Variants in MTUS2 observed in about 807,000 individuals in gnomAD.
MTUS2 encodes the protein microtubule-associated tumor suppressor candidate 2.
Under a neutral mutation model 114.1 loss-of-function variants are expected in MTUS2, and 40 were observed. That is an observed-to-expected ratio of 0.35 (90% confidence interval 0.27 to 0.46). The LOEUF is 0.46. MTUS2 is among the 20% of genes least tolerant of loss of function. The pLI is 1.00. For synonymous variants in MTUS2, 688 were observed against 672.0 expected (o/e 1.02, Z -0.37); for missense variants, 1,679 against 1,705.4 (o/e 0.98, Z 0.27).
intron 2 of MTUS2, among the ~76,000 whole-genome samples, chr13:28,939,185 A>G (rs892043774): frequency 6.6e-6 from 1 of 152,102 alleles, no homozygotes; most frequent in Non-Finnish European, 1.5e-5. Flanking sequence ...TTTGGGCCGG[A>G]AATTTGGGTT....
chr13:29,406,602 T>G (rs1264932543), intron 8 of MTUS2, among the ~76,000 whole-genome samples: 2 of 152,216 alleles, frequency 1.3e-5, no homozygotes, highest in East Asian at 3.8e-4. Flanking sequence ...CCATCACCTC[T>G]GCTATATACT....
At chr13:29,204,925 T>TG (rs937562135) in intron 5 of MTUS2, among the ~76,000 whole-genome samples, 4 of 152,068 alleles carry the variant, frequency 2.6e-5, no homozygotes, top group Non-Finnish European at 5.9e-5. Flanking sequence ...GCAGCTGCAG[T>TG]GGGGGCACTA....
chr13:29,294,533 A>G (rs1898856713), intron 6 of MTUS2, among the ~76,000 whole-genome samples: 1 of 152,176 alleles, frequency 6.6e-6, no homozygotes, highest in African/African-American at 2.4e-5. Context: ...TGATTTCCCT[A>G]GAAGGGCTCA....
intron 5 of MTUS2, among the ~76,000 whole-genome samples, chr13:29,125,022 T>G (rs898451304): frequency 6.6e-6 from 1 of 152,236 alleles, no homozygotes; most frequent in African/African-American, 2.4e-5. Flanking sequence ...TTGTAATTGT[T>G]GCACAACAAT....
chr13:29,257,741 T>C (rs76042731), intron 5 of MTUS2, among the ~76,000 whole-genome samples: 2 of 152,248 alleles, frequency 1.3e-5, no homozygotes, highest in Non-Finnish European at 2.9e-5. Flanking sequence ...CTGGATATTT[T>C]AGGTTATTTC....
chr13:29,022,976 A>G (rs755040969), intron 2 of MTUS2, among the ~76,000 whole-genome samples: 1 of 152,204 alleles, frequency 6.6e-6, no homozygotes, highest in Non-Finnish European at 1.5e-5. Context: ...ATTTATTTTC[A>G]GTGTCTAGCA....
intron 9 of MTUS2, among the ~76,000 whole-genome samples, chr13:29,452,351 G>T (rs1439510182): frequency 2.0e-5 from 3 of 151,958 alleles, no homozygotes; most frequent in African/African-American, 7.2e-5. Context: ...TGTTTGTTTT[G>T]TAACCCTTTA....
At chr13:29,040,154 G>T (rs1278510478) in intron 4 of MTUS2, among the ~76,000 whole-genome samples, 1 of 152,154 alleles carries the variant, frequency 6.6e-6, no homozygotes, top group Non-Finnish European at 1.5e-5. Context: ...AAAGTCCATT[G>T]TATCATTCTT....
intron 5 of MTUS2, among the ~76,000 whole-genome samples, chr13:29,183,318 C>G (rs917954547): frequency 2.0e-5 from 3 of 151,752 alleles, no homozygotes; most frequent in African/African-American, 7.3e-5. Flanking sequence ...ATCTGAACAA[C>G]TGGAAGGATG....
chr13:29,173,478 A>C (rs1893645031), intron 5 of MTUS2, among the ~76,000 whole-genome samples: 1 of 152,160 alleles, frequency 6.6e-6, no homozygotes, highest in African/African-American at 2.4e-5. Context: ...CAATTTATGC[A>C]TTTCCTTATA....
chr13:28,962,951 C>G (rs918780534), intron 2 of MTUS2, among the ~76,000 whole-genome samples: 2 of 152,168 alleles, frequency 1.3e-5, no homozygotes, highest in East Asian at 1.9e-4. Flanking sequence ...TCAGTATCCC[C>G]CCTTTCTACT....
intron 8 of MTUS2, among the ~76,000 whole-genome samples, chr13:29,396,495 G>A (rs1415962930): frequency 6.6e-6 from 1 of 152,210 alleles, no homozygotes; most frequent in Non-Finnish European, 1.5e-5. Context: ...AATTAAGATT[G>A]TGACTATCAC....
intron 6 of MTUS2, among the ~76,000 whole-genome samples, chr13:29,294,782 G>C (rs1315783968): frequency 2.0e-5 from 3 of 152,194 alleles, no homozygotes; most frequent in African/African-American, 7.2e-5. Flanking sequence ...GATTGTCCAG[G>C]GTTTTTGTTA....
intron 5 of MTUS2, among the ~76,000 whole-genome samples, chr13:29,228,031 T>TTA (rs2139348414): frequency 2.0e-5 from 1 of 48,876 alleles, no homozygotes; most frequent in East Asian, 7.4e-4. Context: ...AGTATCTATT[T>TTA]TATATGTATG....
At chr13:28,898,207 CAG>C (rs1879406027) in intron 2 of MTUS2, among the ~76,000 whole-genome samples, 1 of 152,116 alleles carries the variant, frequency 6.6e-6, no homozygotes, top group Non-Finnish European at 1.5e-5. Flanking sequence ...TAGTCCATGA[CAG>C]AAGAGCTTTA....
chr13:29,459,014 C>T (rs1879303128), intron 9 of MTUS2, among the ~76,000 whole-genome samples: 2 of 152,188 alleles, frequency 1.3e-5, no homozygotes, highest in African/African-American at 4.8e-5. Context: ...CATATTTCAG[C>T]CTAAGGGAAA....
chr13:29,180,827 C>CTCA (rs1893970499), intron 5 of MTUS2, among the ~76,000 whole-genome samples: 1 of 152,106 alleles, frequency 6.6e-6, no homozygotes, highest in South Asian at 2.1e-4. Context: ...AGCCTTTGGC[C>CTCA]TCATCAGCAC....
intron 8 of MTUS2, among the ~76,000 whole-genome samples, chr13:29,375,954 A>G (rs1021662730): frequency 1.3e-5 from 2 of 151,750 alleles, no homozygotes; most frequent in Non-Finnish European, 2.9e-5. Flanking sequence ...TAATCCATTC[A>G]TGTAACCAGA....
chr13:29,152,385 T>C (rs563882988), intron 5 of MTUS2, among the ~76,000 whole-genome samples: 1 of 152,314 alleles, frequency 6.6e-6, no homozygotes, highest in South Asian at 2.1e-4. Flanking sequence ...TTTTAGTATC[T>C]ACTGCTGAAT....
Sources: gnomAD v4.1 joint callset for allele counts (sites outside exome capture counted in the v4.1 genomes callset) on GRCh38, gnomAD v4.1.1 for gene constraint, MANE v1.5 for transcripts, NCBI Gene and HGNC (gene_info 2026-07-23, HGNC 2026-07-21) for gene names.